KIAA1549L: variants seen among roughly 807,000 people sequenced by gnomAD.
The protein encoded by KIAA1549L is KIAA1549 like.
A neutral mutation model predicts 160.7 loss-of-function variants in KIAA1549L; 88 were observed. The observed-to-expected ratio is 0.55, with a 90% CI of 0.46 to 0.65. KIAA1549L has a LOEUF of 0.65. Ranked by LOEUF, KIAA1549L falls within the 30% of genes least tolerant of loss-of-function variation. The pLI is 0.00. For synonymous variants in KIAA1549L, 950 were observed against 976.7 expected (o/e 0.97, Z 0.51); for missense variants, 2,258 against 2,437.5 (o/e 0.93, Z 1.55).
At chr11:33,610,171 A>C (rs80030447) in intron 15 of KIAA1549L, among the ~76,000 whole-genome samples, 1 of 152,024 alleles carries the variant, frequency 6.6e-6, no homozygotes, top group Non-Finnish European at 1.5e-5. Flanking sequence ...AAAAAAAAAA[A>C]TACTTGGGCA....
chr11:33,549,676 T>C (rs1048562887), intron 4 of KIAA1549L, among the ~76,000 whole-genome samples: 3 of 152,154 alleles, frequency 2.0e-5, no homozygotes, highest in Admixed American at 6.5e-5. Flanking sequence ...AAAATACACA[T>C]GGAGATGCAA....
rs369228418 is a variant in KIAA1549L at position 33,606,783 on chromosome 11, G to A, written c.5022G>A (p.Ser1674=). The change falls in exon 14 of 21, where the codon TCG becomes TCA. Residue 1674 remains serine, a synonymous_variant. Coordinates refer to ENST00000658780, the MANE Select transcript of KIAA1549L (RefSeq NM_012194.3). ...PTALPMVPPT[S]DRSQESSAVL... is the part of the protein sequence containing the mutation. ...CCCTCCCCATGGTGCCCCCCACCTC[G>A]GACAGGAGCCAGGAGTCATCGGCAG... The A allele has an allele frequency of 1.1e-5, 18 of 1,612,680 alleles. No homozygotes were observed. The African/African-American group carries it at 1.6e-4, about 14-fold the overall frequency.
intron 17 of KIAA1549L, among the ~76,000 whole-genome samples, chr11:33,649,918 G>T (rs1478869376): frequency 6.6e-6 from 1 of 151,736 alleles, no homozygotes; most frequent in African/African-American, 2.4e-5. Context: ...CATTTCTTGT[G>T]TTTCTCCAAA....
intron 1 of KIAA1549L, among the ~76,000 whole-genome samples, chr11:33,504,409 A>G (rs1350852685): frequency 2.0e-5 from 3 of 152,006 alleles, no homozygotes. Flanking sequence ...TAGCAAACCA[A>G]TCAAATAGGT....
At chr11:33,633,942 A>G (rs1851370991) in intron 16 of KIAA1549L, among the ~76,000 whole-genome samples, 1 of 152,236 alleles carries the variant, frequency 6.6e-6, no homozygotes, top group South Asian at 2.1e-4. Context: ...AAGCATGTAG[A>G]AAACAGGCGG....
chr11:33,407,202 A>T (rs1271092313), intron 1 of KIAA1549L, among the ~76,000 whole-genome samples: 1 of 145,022 alleles, frequency 6.9e-6, no homozygotes, highest in Non-Finnish European at 1.5e-5. Flanking sequence ...CTCCTGCCTC[A>T]GCCTCCCGAG....
chr11:33,491,426 G>A (rs942514774), intron 1 of KIAA1549L, among the ~76,000 whole-genome samples: 5 of 152,138 alleles, frequency 3.3e-5, no homozygotes, highest in African/African-American at 4.8e-5. Flanking sequence ...GGAAGAAGGG[G>A]CTTATGTACA....
At position 33,591,260 on chromosome 11, in the gene KIAA1549L, C is replaced by A. The variant is rs373183134; in HGVS notation, c.4590C>A (p.Ala1530=). The change falls in exon 12 of 21, where the codon GCC becomes GCA. Residue 1530 remains alanine, a synonymous_variant. Coordinates refer to ENST00000658780, the MANE Select transcript of KIAA1549L (RefSeq NM_012194.3). ...AGCCTGTGCAAGGCTTTGATTATGC[C>A]AAGCAACACCTGGGCCAGCAAGGGG... ...RAKPVQGFDY[A]KQHLGQQGAD... 1 of 1,612,916 alleles carries A rather than the reference C, an allele frequency of 6.2e-7. No homozygotes were observed. Among genetic ancestry groups the A allele is most frequent in the Non-Finnish European group, 8.5e-7 (1 of 1,179,356 alleles).
At position 33,552,653 on chromosome 11, in the gene KIAA1549L, A is replaced by AACACACAC. The variant is rs761358417; in HGVS notation, c.3855+456_3855+463dup. On this transcript the variant is annotated intron_variant, in intron 6 of 20. Coordinates refer to ENST00000658780, the MANE Select transcript of KIAA1549L (RefSeq NM_012194.3). The stretch of plus-strand genomic sequence containing the variant: ...AGTTGCCTTAGTTTAGACACATGCC[A>AACACACAC]ACACACACACACACACACACACACA... 8.4e-5 allele frequency among the ~76,000 whole-genome samples: 11 copies of AACACACAC among 131,518 alleles called. No homozygotes were observed. The East Asian group carries it at 1.3e-3, about 15-fold the overall frequency. 86.3% of individuals were successfully genotyped at this position (131,518 alleles called of 152,430 possible).
intron 4 of KIAA1549L, among the ~76,000 whole-genome samples, chr11:33,548,375 G>C (rs1854337334): frequency 6.6e-6 from 1 of 152,164 alleles, no homozygotes; most frequent in African/African-American, 2.4e-5. Context: ...CTCCAGCCTG[G>C]GTGACAGAGC....
chr11:33,457,416 G>A (rs919160954), intron 1 of KIAA1549L, among the ~76,000 whole-genome samples: 3 of 152,168 alleles, frequency 2.0e-5, no homozygotes, highest in Non-Finnish European at 4.4e-5. Flanking sequence ...CAGCAAATGT[G>A]GCCTTTAACA....
At chr11:33,611,193 T>C (rs1471207680) in intron 15 of KIAA1549L, among the ~76,000 whole-genome samples, 2 of 152,162 alleles carry the variant, frequency 1.3e-5, no homozygotes, top group African/African-American at 4.8e-5. Context: ...CTTTCATGAT[T>C]TGAGGCCACC....
Position 33,440,120 on chromosome 11 carries a change from C to CTTTTTTTTTTTTTTTTTTTTTTTT in KIAA1549L, c.238+63235_238+63258dup, listed in dbSNP as rs201551936. 3.0e-4 allele frequency among the ~76,000 whole-genome samples: 25 copies of CTTTTTTTTTTTTTTTTTTTTTTTT among 83,414 alleles called. 2 individuals carry two copies. Among genetic ancestry groups the CTTTTTTTTTTTTTTTTTTTTTTTT allele is most frequent in the South Asian group, 4.7e-4 (1 of 2,118 alleles). 54.7% of individuals were successfully genotyped at this position (83,414 alleles called of 152,430 possible). On this transcript the variant is annotated intron_variant, in intron 1 of 20. Coordinates refer to ENST00000658780, the MANE Select transcript of KIAA1549L (RefSeq NM_012194.3). ...GGTTATTTCCTCACCTATTTTGTTT[C>CTTTTTTTTTTTTTTTTTTTTTTTT]TTTTTTTTTTTTTTTTTTTTTTTTT...
intron 16 of KIAA1549L, among the ~76,000 whole-genome samples, chr11:33,631,280 G>A (rs1384002585): frequency 4.6e-5 from 7 of 152,144 alleles, no homozygotes; most frequent in East Asian, 3.8e-4. Flanking sequence ...TAGCTGACGC[G>A]TGTTACTCCT....
chr11:33,494,951 G>T (rs920532594), intron 1 of KIAA1549L, among the ~76,000 whole-genome samples: 2 of 152,128 alleles, frequency 1.3e-5, no homozygotes, highest in East Asian at 3.9e-4. Context: ...AGAGAAATGC[G>T]TTCTTTGTTA....
At chr11:33,549,479 C>T (rs1287750189) in intron 4 of KIAA1549L, among the ~76,000 whole-genome samples, 1 of 152,206 alleles carries the variant, frequency 6.6e-6, no homozygotes, top group Non-Finnish European at 1.5e-5. Flanking sequence ...ACAACTTTCT[C>T]ACTGAGTGAT....
chr11:33,520,385 T>C (rs930244071), intron 1 of KIAA1549L, among the ~76,000 whole-genome samples: 1 of 152,102 alleles, frequency 6.6e-6, no homozygotes, highest in Non-Finnish European at 1.5e-5. Flanking sequence ...TTGTGCAATA[T>C]TTGTCTTTCT....
At chr11:33,404,854 CA>C (rs750388610) in intron 1 of KIAA1549L, among the ~76,000 whole-genome samples, 82 of 151,476 alleles carry the variant, frequency 5.4e-4, no homozygotes, top group Non-Finnish European at 1.6e-4. Context: ...AATAAAAATA[CA>C]AAAAATTAGC....
At chr11:33,446,286 G>C (rs1019604404) in intron 1 of KIAA1549L, among the ~76,000 whole-genome samples, 5 of 152,002 alleles carry the variant, frequency 3.3e-5, no homozygotes, top group Non-Finnish European at 7.4e-5. Context: ...GTAGAGACAG[G>C]GTTTCACCAT....
Sources: allele counts gnomAD v4.1 joint callset (sites outside exome capture counted in the v4.1 genomes callset), GRCh38; gene constraint gnomAD v4.1.1; transcripts MANE v1.5; gene names NCBI Gene and HGNC (gene_info 2026-07-23, HGNC 2026-07-21).